Variants in CSMD1 observed in about 807,000 individuals in gnomAD.
The protein encoded by CSMD1 is CUB and Sushi multiple domains 1, also known as CUB and sushi domain-containing protein 1.
In CSMD1, 213 loss-of-function variants were observed where a neutral mutation model predicts 417.5. The ratio of observed to expected loss-of-function variants is 0.51; its 90% confidence interval spans 0.46 to 0.57. CSMD1 has a LOEUF of 0.57. Among genes scored for constraint, CSMD1 ranks in the 20% least tolerant of loss-of-function variants. The pLI is 0.00. For missense variants in CSMD1, 6,923 were observed against 4,529.7 expected (o/e 1.53, Z -15.17); for synonymous variants, 2,862 against 1,736.8 (o/e 1.65, Z -16.11).
intron 6 of CSMD1, among the ~76,000 whole-genome samples, chr8:3,718,184 G>C (rs1007319551): frequency 1.7e-4 from 26 of 152,284 alleles, no homozygotes; most frequent in Admixed American, 3.3e-4. Flanking sequence ...GAAGCGAGTT[G>C]TTAGTACAAT....
rs1800733999 is a variant in CSMD1, at chr8:3,589,176, A to G, written c.1098-2916T>C. On this transcript the variant is annotated intron_variant, in intron 8 of 69. Transcript: ENST00000635120. ...TAGCATACTCATTATGGAAAATAGT[A>G]TAGGGGTTGCTGAAAAAATTAAAAA... is the stretch of plus-strand genomic sequence containing the variant. Among the ~76,000 whole-genome samples the G allele has an allele frequency of 2.0e-5, 3 of 152,218 alleles. No homozygotes were observed. In the South Asian group the frequency reaches 6.2e-4, roughly 32 times the overall value.
intron 10 of CSMD1, among the ~76,000 whole-genome samples, chr8:3,571,755 C>CATCTGAGAGAA (rs57894725): frequency 6.6e-6 from 1 of 151,846 alleles, no homozygotes; most frequent in African/African-American, 2.4e-5. Flanking sequence ...GCTAAGTCTC[C>CATCTGAGAGAA]GTCTGGGGCA....
At chr8:3,488,512 T>C (rs1051034983) in intron 11 of CSMD1, among the ~76,000 whole-genome samples, 1 of 152,192 alleles carries the variant, frequency 6.6e-6, no homozygotes, top group Non-Finnish European at 1.5e-5. Flanking sequence ...ACAAAATTTA[T>C]AGCAGTATTA....
Position 3,240,606 on chromosome 8 carries a change from C to A in CSMD1, c.4154-10375G>T, listed in dbSNP as rs541536701. ...TTTGCGGCAGTACAGCCCGGGTAATCTGCTGAGCCTGATGGGTGTCAGGGT... is the reference window on the plus strand; with the variant it reads ...TTTGCGGCAGTACAGCCCGGGTAATATGCTGAGCCTGATGGGTGTCAGGGT... On this transcript the variant is annotated intron_variant, in intron 26 of 69. Transcript: ENST00000635120. Among the ~76,000 whole-genome samples the A allele has an allele frequency of 3.3e-5, 5 of 151,912 alleles. No homozygotes were observed. The East Asian group carries it at 7.8e-4, about 24-fold the overall frequency.
At chr8:3,864,400 T>G (rs1371606820) in intron 5 of CSMD1, among the ~76,000 whole-genome samples, 1 of 151,934 alleles carries the variant, frequency 6.6e-6, no homozygotes, top group Non-Finnish European at 1.5e-5. Context: ...GGTGCAAAGA[T>G]GAAGGTGAGA....
At chr8:3,630,731 C>G (rs1298184004) in intron 7 of CSMD1, among the ~76,000 whole-genome samples, 2 of 83,318 alleles carry the variant, frequency 2.4e-5, no homozygotes, top group East Asian at 1.8e-3. Flanking sequence ...GGAGTTGCCT[C>G]TCTGAAGCCA....
intron 7 of CSMD1, among the ~76,000 whole-genome samples, chr8:3,647,250 C>T (rs997437711): frequency 1.3e-5 from 2 of 152,176 alleles, no homozygotes; most frequent in East Asian, 3.9e-4. Flanking sequence ...GGATGAGTAA[C>T]AACTCAGATA....
intron 37 of CSMD1, among the ~76,000 whole-genome samples, chr8:3,179,917 G>C (rs925884754): frequency 6.6e-6 from 1 of 152,150 alleles, no homozygotes; most frequent in Non-Finnish European, 1.5e-5. Context: ...AATTTAACCA[G>C]AATGTGAAAC....
chr8:3,520,044 G>T (rs7821705), intron 10 of CSMD1, among the ~76,000 whole-genome samples: 21,364 of 136,894 alleles, frequency 0.16, 1,815 homozygotes, highest in African/African-American at 0.22. Context: ...ATATATACAC[G>T]TATAGTTGTG....
At chr8:3,637,724 G>C (rs1028773135) in intron 7 of CSMD1, among the ~76,000 whole-genome samples, 6 of 152,138 alleles carry the variant, frequency 3.9e-5, no homozygotes, top group East Asian at 3.9e-4. Context: ...GTAGGGATAT[G>C]GTTTGGCTGT....
At chr8:3,053,379 T>C (rs761034205) in intron 49 of CSMD1, among the ~76,000 whole-genome samples, 3 of 151,528 alleles carry the variant, frequency 2.0e-5, no homozygotes, top group Non-Finnish European at 4.4e-5. Flanking sequence ...TGTAGACTCT[T>C]TGGTGTCGAA....
At chr8:4,925,473 A>C (rs567038474) in intron 1 of CSMD1, among the ~76,000 whole-genome samples, 11 of 152,170 alleles carry the variant, frequency 7.2e-5, no homozygotes, top group African/African-American at 2.6e-4. Flanking sequence ...AAAATATTTA[A>C]AACTCAGTAA....
intron 2 of CSMD1, among the ~76,000 whole-genome samples, chr8:4,576,421 G>A (rs1456045535): frequency 6.6e-6 from 1 of 152,178 alleles, no homozygotes; most frequent in Admixed American, 6.5e-5. Context: ...ACCTCTTCTT[G>A]CAAAATCCTC....
At chr8:3,759,869 G>C (rs1168574150) in intron 5 of CSMD1, among the ~76,000 whole-genome samples, 1 of 140,718 alleles carries the variant, frequency 7.1e-6, no homozygotes, top group African/African-American at 2.7e-5. Flanking sequence ...AGATTGCACT[G>C]TTGCACTCTA....
intron 3 of CSMD1, among the ~76,000 whole-genome samples, chr8:4,130,726 TG>T (rs1803049976): frequency 8.2e-6 from 1 of 121,244 alleles, no homozygotes; most frequent in Admixed American, 8.3e-5. Flanking sequence ...GAAAGTATTT[TG>T]TCTATCAACT....
chr8:4,890,803 A>C (rs1171707750), intron 1 of CSMD1, among the ~76,000 whole-genome samples: 3 of 152,136 alleles, frequency 2.0e-5, no homozygotes, highest in Non-Finnish European at 4.4e-5. Context: ...CATTCCGGTT[A>C]AGGACGCTTT....
chr8:4,776,768 T>G (rs963608521), intron 1 of CSMD1, among the ~76,000 whole-genome samples: 4 of 152,320 alleles, frequency 2.6e-5, no homozygotes, highest in South Asian at 2.1e-4. Flanking sequence ...TTAGAAAAAG[T>G]TGTGAAAATA....
rs574678644 is a variant in CSMD1 at position 4,797,377 on chromosome 8, C to T, written c.86-159819G>A. On this transcript the variant is annotated intron_variant, in intron 1 of 69. Coordinates refer to ENST00000635120, the MANE Select transcript of CSMD1 (RefSeq NM_033225.6). ...AGGGAGCATCTGTGAAAGAGTGTTCCGCCTGAATCTAGGGATCAAGCTGCC... is the reference window on the plus strand; with the variant it reads ...AGGGAGCATCTGTGAAAGAGTGTTCTGCCTGAATCTAGGGATCAAGCTGCC... 1.1e-4 allele frequency among the ~76,000 whole-genome samples: 16 copies of T among 152,180 alleles called. No individual in the cohort carries two copies. In the East Asian group the frequency reaches 1.7e-3, roughly 17 times the overall value.
intron 1 of CSMD1, among the ~76,000 whole-genome samples, chr8:4,938,367 A>G (rs192995543): frequency 3.2e-4 from 49 of 152,332 alleles, no homozygotes; most frequent in African/African-American, 1.1e-3. Context: ...GCTTCCCAAT[A>G]CAGCTGTCCT....
Sources: gnomAD v4.1 joint callset for allele counts (sites outside exome capture counted in the v4.1 genomes callset) on GRCh38, gnomAD v4.1.1 for gene constraint, MANE v1.5 for transcripts, NCBI Gene and HGNC (gene_info 2026-07-23, HGNC 2026-07-21) for gene names.